The following SDK1 variants were observed in gnomAD, a reference collection of about 807,000 sequenced individuals.
SDK1 encodes the protein protein sidekick-1.
In SDK1, 157 loss-of-function variants were observed where a neutral mutation model predicts 245.5. The observed-to-expected ratio is 0.64, with a 90% CI of 0.56 to 0.73. The LOEUF is 0.73. Among genes scored for constraint, SDK1 ranks in the 30% least tolerant of loss-of-function variants. The pLI, the probability that SDK1 is intolerant of heterozygous loss-of-function variation, is 0.00. For missense variants in SDK1, 3,583 were observed against 3,002.3 expected (o/e 1.19, Z -4.52); for synonymous variants, 1,647 against 1,278.5 (o/e 1.29, Z -6.15).
At chr7:3,631,691 A>C (rs1782295794) in intron 2 of SDK1, among the ~76,000 whole-genome samples, 1 of 152,210 alleles carries the variant, frequency 6.6e-6, no homozygotes, top group Non-Finnish European at 1.5e-5. Context: ...TTTATGGAGA[A>C]TCTCTGAGGC....
At chr7:3,995,713 G>A (rs1784651062) in intron 14 of SDK1, among the ~76,000 whole-genome samples, 1 of 152,176 alleles carries the variant, frequency 6.6e-6, no homozygotes, top group Non-Finnish European at 1.5e-5. Context: ...TGTTTCGACT[G>A]CTAGTATTCT....
At chr7:3,610,713 C>G (rs1411270651) in intron 1 of SDK1, among the ~76,000 whole-genome samples, 3 of 152,168 alleles carry the variant, frequency 2.0e-5, no homozygotes, top group Admixed American at 6.5e-5. Flanking sequence ...AGGTTTACCC[C>G]CAGAGTTCCC....
At chr7:3,724,204 A>T (rs1778940718) in intron 4 of SDK1, among the ~76,000 whole-genome samples, 1 of 151,952 alleles carries the variant, frequency 6.6e-6, no homozygotes, top group Non-Finnish European at 1.5e-5. Context: ...ACCTCAGGTG[A>T]TCCACCCACC....
intron 1 of SDK1, among the ~76,000 whole-genome samples, chr7:3,563,953 G>C (rs1481901879): frequency 6.6e-6 from 1 of 151,898 alleles, no homozygotes; most frequent in Non-Finnish European, 1.5e-5. Flanking sequence ...TTTCTAAATA[G>C]CTATTGAATT....
At chr7:3,597,223 G>C (rs978867161) in intron 1 of SDK1, among the ~76,000 whole-genome samples, 3 of 142,342 alleles carry the variant, frequency 2.1e-5, no homozygotes, top group Non-Finnish European at 4.5e-5. Context: ...AGTGAGCCCA[G>C]ATCGCGCCAC....
intron 5 of SDK1, among the ~76,000 whole-genome samples, chr7:3,915,444 TGTG>T (rs1372720563): frequency 2.6e-5 from 4 of 152,176 alleles, no homozygotes; most frequent in Non-Finnish European, 5.9e-5. Flanking sequence ...ATGCTGTTCT[TGTG>T]GTAGTGAACA....
chr7:3,682,764 C>G (rs1470008315), intron 4 of SDK1, among the ~76,000 whole-genome samples: 2 of 151,386 alleles, frequency 1.3e-5, no homozygotes, highest in Admixed American at 6.6e-5. Context: ...GTCACTCGAT[C>G]TGATGGAGTT....
chr7:3,880,615 G>A (rs1050245301), intron 5 of SDK1, among the ~76,000 whole-genome samples: 4 of 123,800 alleles, frequency 3.2e-5, no homozygotes, highest in Admixed American at 2.1e-4. Flanking sequence ...CAGCTCAAAC[G>A]CACCTGAACT....
At chr7:4,099,721 G>A (rs771171622) in intron 22 of SDK1, among the ~76,000 whole-genome samples, 10 of 146,880 alleles carry the variant, frequency 6.8e-5, no homozygotes, top group African/African-American at 5.0e-5. Flanking sequence ...CTAATGCACC[G>A]TGGGCAGGGC....
At chr7:3,585,708 G>T (rs1374083328) in intron 1 of SDK1, among the ~76,000 whole-genome samples, 4 of 152,136 alleles carry the variant, frequency 2.6e-5, no homozygotes, top group Non-Finnish European at 5.9e-5. Context: ...GTAGGGGAGG[G>T]AAGAAGGGTG....
chr7:3,896,668 G>T (rs1341766304), intron 5 of SDK1, among the ~76,000 whole-genome samples: 1 of 152,140 alleles, frequency 6.6e-6, no homozygotes, highest in Non-Finnish European at 1.5e-5. Flanking sequence ...AGGAATCACT[G>T]TCCCGTGCTG....
intron 1 of SDK1, among the ~76,000 whole-genome samples, chr7:3,521,474 C>A (rs1469777931): frequency 6.6e-6 from 1 of 152,130 alleles, no homozygotes; most frequent in Non-Finnish European, 1.5e-5. Context: ...ACAGTGGATA[C>A]CCAGACCATA....
At chr7:4,141,120 G>A (rs946989155) in intron 28 of SDK1, among the ~76,000 whole-genome samples, 9 of 152,212 alleles carry the variant, frequency 5.9e-5, no homozygotes, top group Non-Finnish European at 1.2e-4. Flanking sequence ...CCGAGGCAGT[G>A]TATCCTCCAA....
intron 4 of SDK1, among the ~76,000 whole-genome samples, chr7:3,701,374 C>G (rs766426457): frequency 9.2e-5 from 14 of 152,106 alleles, no homozygotes; most frequent in Non-Finnish European, 1.8e-4. Flanking sequence ...TGAATTTTTC[C>G]CAAATTGATG....
intron 35 of SDK1, among the ~76,000 whole-genome samples, chr7:4,191,164 G>T (rs143217807): frequency 6.6e-6 from 1 of 152,128 alleles, no homozygotes; most frequent in Non-Finnish European, 1.5e-5. Context: ...CAACCCCGCG[G>T]CGGTCACAGT....
In SDK1 at chr7:4,113,325, C is replaced by A. The variant is rs1483444633; in HGVS notation, c.3471C>A (p.Ser1157Arg). Reference protein sequence around the residue: ...RMKQVNIVGPSPYSPSSRVIQ... With the variant: ...RMKQVNIVGPRPYSPSSRVIQ... ...AGCAAGTGAACATTGTTGGGCCGAGCCCCTACAGTCCGTCTTCCCGGGTCA... is the reference window on the plus strand; with the variant it reads ...AGCAAGTGAACATTGTTGGGCCGAGACCCTACAGTCCGTCTTCCCGGGTCA... Residue 1157 changes from serine to arginine, a missense_variant, in exon 24 of 45, where the codon AGC becomes AGA. Coordinates refer to ENST00000404826, the MANE Select transcript of SDK1 (RefSeq NM_152744.4). 2 of 1,613,882 alleles carry A rather than the reference C, an allele frequency of 1.2e-6. No individual in the cohort carries two copies. The highest frequency in any genetic ancestry group is 1.7e-6 in the Non-Finnish European group (2 of 1,180,022).
intron 5 of SDK1, among the ~76,000 whole-genome samples, chr7:3,860,755 A>G (rs952637592): frequency 2.6e-5 from 4 of 152,156 alleles, no homozygotes; most frequent in African/African-American, 7.2e-5. Flanking sequence ...ACAAGTAGCT[A>G]TAAATTAACT....
At chr7:4,244,477 A>G (rs1177909118) in intron 43 of SDK1, among the ~76,000 whole-genome samples, 3 of 152,184 alleles carry the variant, frequency 2.0e-5, no homozygotes, top group Admixed American at 6.5e-5. Context: ...TTTTTCCCCA[A>G]GTTCTGAGTT....
intron 1 of SDK1, among the ~76,000 whole-genome samples, chr7:3,584,100 C>T (rs1024363234): frequency 6.6e-6 from 1 of 152,098 alleles, no homozygotes; most frequent in African/African-American, 2.4e-5. Flanking sequence ...TACTTTTTCC[C>T]TTAGTATGTT....
Sources: gnomAD v4.1 joint callset for allele counts (sites outside exome capture counted in the v4.1 genomes callset) on GRCh38, gnomAD v4.1.1 for gene constraint, MANE v1.5 for transcripts, NCBI Gene and HGNC (gene_info 2026-07-23, HGNC 2026-07-21) for gene names.